PPP1R9A: variants seen among roughly 807,000 people sequenced by gnomAD.
The protein encoded by PPP1R9A is neurabin-1.
In PPP1R9A, 59 loss-of-function variants were observed where a neutral mutation model predicts 141.9. That is an observed-to-expected ratio of 0.42 (90% CI 0.34 to 0.52). The LOEUF is 0.52. Among genes scored for constraint, PPP1R9A ranks in the 20% least tolerant of loss-of-function variants. The pLI is 0.10. For synonymous variants in PPP1R9A, 500 were observed against 569.7 expected (o/e 0.88, Z 1.74); for missense variants, 1,444 against 1,611.9 (o/e 0.90, Z 1.78).
intron 3 of PPP1R9A, among the ~76,000 whole-genome samples, chr7:95,116,174 C>T (rs967488577): frequency 1.3e-5 from 2 of 152,058 alleles, no homozygotes; most frequent in Non-Finnish European, 2.9e-5. Context: ...ACAATACCTA[C>T]AGAGAATTCT....
At chr7:95,189,233 T>TAAG (rs1835104198) in intron 5 of PPP1R9A, among the ~76,000 whole-genome samples, 1 of 152,088 alleles carries the variant, frequency 6.6e-6, no homozygotes, top group South Asian at 2.1e-4. Flanking sequence ...TCGCAGCTCT[T>TAAG]AAGATTCTTT....
intron 4 of PPP1R9A, among the ~76,000 whole-genome samples, chr7:95,136,013 G>A (rs762056889): frequency 7.3e-5 from 11 of 151,698 alleles, no homozygotes; most frequent in Admixed American, 1.3e-4. Context: ...TTCCGTATAC[G>A]TCCCTAAGTC....
chr7:95,066,821 A>G (rs950113174), intron 2 of PPP1R9A, among the ~76,000 whole-genome samples: 1 of 152,200 alleles, frequency 6.6e-6, no homozygotes, highest in Non-Finnish European at 1.5e-5. Context: ...TCCTAGAGCT[A>G]GACGTGAGTG....
intron 12 of PPP1R9A, among the ~76,000 whole-genome samples, chr7:95,260,699 C>T (rs1800304714): frequency 6.7e-6 from 1 of 148,754 alleles, no homozygotes; most frequent in Non-Finnish European, 1.5e-5. Flanking sequence ...AAAAAAGTTG[C>T]TTCAAGAGGA....
intron 2 of PPP1R9A, among the ~76,000 whole-genome samples, chr7:95,086,913 T>C (rs920731083): frequency 6.6e-6 from 1 of 151,958 alleles, no homozygotes; most frequent in Non-Finnish European, 1.5e-5. Context: ...CGGGAGCAAG[T>C]GGCTCACACC....
intron 2 of PPP1R9A, among the ~76,000 whole-genome samples, chr7:95,066,327 G>C (rs907653583): frequency 2.0e-5 from 3 of 152,182 alleles, no homozygotes; most frequent in African/African-American, 7.2e-5. Flanking sequence ...ACTGTGAGAA[G>C]ATAAGTTTCT....
chr7:95,167,863 A>G (rs938699084), intron 5 of PPP1R9A, among the ~76,000 whole-genome samples: 9 of 152,170 alleles, frequency 5.9e-5, no homozygotes, highest in African/African-American at 1.9e-4. Context: ...GACCTTCACA[A>G]GGAAAACTAC....
intron 5 of PPP1R9A, among the ~76,000 whole-genome samples, chr7:95,177,107 G>T (rs1833017451): frequency 1.3e-5 from 2 of 152,124 alleles, no homozygotes; most frequent in South Asian, 4.1e-4. Flanking sequence ...AATCTTAAGA[G>T]CTGTGAGACA....
Position 95,286,945 on chromosome 7 carries a change from A to G in PPP1R9A, c.3729+620A>G, listed in dbSNP as rs542261261. ...TTTGTTCTTACTATTTCTTTCTAAC[A>G]TGATTTTTTATTCACAAAACTTTTT... On this transcript the variant is annotated intron_variant, in intron 18 of 19. Transcript: ENST00000433360. Among the ~76,000 whole-genome samples, 3 of 152,150 alleles carry G rather than the reference A, an allele frequency of 2.0e-5. No homozygotes were observed. In the East Asian group the frequency reaches 5.8e-4, roughly 29 times the overall value.
At chr7:95,281,163 T>A (rs1340459149) in intron 16 of PPP1R9A, among the ~76,000 whole-genome samples, 1 of 152,134 alleles carries the variant, frequency 6.6e-6, no homozygotes, top group Non-Finnish European at 1.5e-5. Flanking sequence ...TACCCAGGGG[T>A]TACATCAGTT....
rs1801773148 is a variant in PPP1R9A, at chr7:95,269,212, A to G, written c.2829A>G (p.Ser943=). The change falls in exon 14 of 20, where the codon TCA becomes TCG. Residue 943 remains serine (S), a synonymous_variant. Coordinates refer to ENST00000433360, the MANE Select transcript of PPP1R9A (RefSeq NM_001166160.2). ...DGEDSLERKP[S]NSFYNHMHIT... is the part of the protein sequence containing the mutation. ...ATAATCTCTTATACCAACAGCCATC[A>G]AACAGTTTCTATAACCACATGCATA... 1.3e-6 allele frequency: 2 copies of G among 1,528,220 alleles called. No homozygotes were observed. Among genetic ancestry groups the G allele is most frequent in the Non-Finnish European group, 1.8e-6 (2 of 1,117,544 alleles). 94.7% of individuals were successfully genotyped at this position (1,528,220 alleles called of 1,614,324 possible).
rs970487851 is a variant in PPP1R9A, at chr7:95,290,422, C to T, written c.*119C>T. The T allele has an allele frequency of 2.1e-5, 24 of 1,150,812 alleles. No homozygotes were observed. The African/African-American group carries it at 2.5e-4, about 12-fold the overall frequency. The allele number at this position is 1,150,812 out of a possible 1,614,324, so 71.3% of individuals were successfully genotyped here. A position where few individuals can be genotyped will look rare whatever the true frequency, so the allele number is the denominator to read the frequency against. On this transcript the variant is annotated 3_prime_UTR_variant, in exon 20 of 20. Coordinates refer to ENST00000433360, the MANE Select transcript of PPP1R9A (RefSeq NM_001166160.2). Reference sequence around the variant, plus strand: ...TGATAAGGGTAATGCGGCTCTAGGCCGGCTGAGGAACTGTGTGTTGAATAA... The same window carrying T: ...TGATAAGGGTAATGCGGCTCTAGGCTGGCTGAGGAACTGTGTGTTGAATAA...
rs1302614717 is a variant in PPP1R9A at position 95,296,398 on chromosome 7, T to G, written c.*6095T>G. 2 of 152,616 alleles carry G rather than the reference T, an allele frequency of 1.3e-5. No individual in the cohort carries two copies. Among genetic ancestry groups the G allele is most frequent in the Non-Finnish European group, 2.9e-5 (2 of 68,024 alleles). 9.5% of individuals were successfully genotyped at this position (152,616 alleles called of 1,614,324 possible). ...CAACGAATGCAATAAAAAGAAATAC[T>G]GAGGTCTGTTGAAGCAATTTTTTTT... On this transcript the variant is annotated 3_prime_UTR_variant, in exon 20 of 20. Transcript: ENST00000433360.
At chr7:95,062,626 G>C (rs1397113860) in intron 2 of PPP1R9A, among the ~76,000 whole-genome samples, 5 of 151,890 alleles carry the variant, frequency 3.3e-5, no homozygotes, top group East Asian at 3.9e-4. Context: ...GACCTCAGGT[G>C]ATCTGCCCGC....
At chr7:95,283,852 A>G (rs1300155652) in intron 16 of PPP1R9A, among the ~76,000 whole-genome samples, 166 bp from the exon 17 acceptor site, 1 of 152,250 alleles carries the variant, frequency 6.6e-6, no homozygotes, top group African/African-American at 2.4e-5. Flanking sequence ...AGGCAAAAAG[A>G]TAACTATTAA....
At chr7:94,952,147 C>T (rs1442401941) in intron 2 of PPP1R9A, among the ~76,000 whole-genome samples, 1 of 152,090 alleles carries the variant, frequency 6.6e-6, no homozygotes, top group African/African-American at 2.4e-5. Context: ...TGTTCCCCTC[C>T]CTGTGTCCAT....
chr7:95,236,210 T>C (rs2103260), intron 8 of PPP1R9A, among the ~76,000 whole-genome samples: 20,044 of 152,192 alleles, frequency 0.13, 1,509 homozygotes, highest in African/African-American at 0.18. Context: ...AGTTTTTCCG[T>C]ATTTTTTTAT....
intron 7 of PPP1R9A, among the ~76,000 whole-genome samples, chr7:95,219,737 C>T (rs1487673436): frequency 4.6e-5 from 7 of 152,064 alleles, no homozygotes; most frequent in African/African-American, 1.7e-4. Context: ...TTCTTCGAAT[C>T]CTCTCAATAT....
At chr7:94,917,129 T>G (rs765783070) in intron 2 of PPP1R9A, among the ~76,000 whole-genome samples, 1 of 152,158 alleles carries the variant, frequency 6.6e-6, no homozygotes, top group Non-Finnish European at 1.5e-5. Context: ...GGTATAACAT[T>G]TAAATTGGAT....
Sources: gnomAD v4.1 joint callset for allele counts (sites outside exome capture counted in the v4.1 genomes callset) on GRCh38, gnomAD v4.1.1 for gene constraint, MANE v1.5 for transcripts, NCBI Gene and HGNC (gene_info 2026-07-23, HGNC 2026-07-21) for gene names.